Variants in FMO5 observed in about 807,000 individuals in gnomAD.
The protein encoded by FMO5 is flavin containing dimethylaniline monoxygenase 5, also known as flavin-containing monooxygenase 5.
Under a neutral mutation model 43.6 loss-of-function variants are expected in FMO5, and 51 were observed. The ratio of observed to expected loss-of-function variants is 1.17; its 90% confidence interval spans 0.93 to 1.48. FMO5 has a LOEUF of 1.48. Ranked by LOEUF, FMO5 falls within the 40% of genes most tolerant of loss-of-function variation. The pLI, the probability that FMO5 is intolerant of heterozygous loss-of-function variation, is 0.00. For synonymous variants in FMO5, 187 were observed against 216.5 expected (o/e 0.86, Z 1.20); for missense variants, 644 against 643.0 (o/e 1.00, Z -0.02).
chr1:147,205,635 T>G (rs1659856472), intron 6 of FMO5, among the ~76,000 whole-genome samples: 1 of 152,148 alleles, frequency 6.6e-6, no homozygotes, highest in African/African-American at 2.4e-5. Flanking sequence ...ATTTGATCTT[T>G]GACAAACCTG....
At chr1:147,191,087 T>G (rs587629951) in intron 7 of FMO5, among the ~76,000 whole-genome samples, 1 of 152,330 alleles carries the variant, frequency 6.6e-6, no homozygotes, top group African/African-American at 2.4e-5. Context: ...CTATCGTTGT[T>G]GGACATTTGG....
chr1:147,224,130 T>C, intron 2 of FMO5: 1 of 323,468 alleles, frequency 3.1e-6, no homozygotes. Context: ...TTGGGATGTC[T>C]AGTCCACAGG....
intron 2 of FMO5, among the ~76,000 whole-genome samples, chr1:147,218,364 T>G (rs1226643036): frequency 1.3e-5 from 2 of 151,918 alleles, no homozygotes; most frequent in African/African-American, 4.8e-5. Context: ...GCCTCCCGAG[T>G]AGCTGGGCCT....
intron 6 of FMO5, among the ~76,000 whole-genome samples, chr1:147,207,631 A>G (rs1322382562): frequency 6.6e-6 from 1 of 152,164 alleles, no homozygotes; most frequent in Non-Finnish European, 1.5e-5. Flanking sequence ...CTCAGTTTTT[A>G]TATTTGTAAA....
chr1:147,218,322 G>A (rs1662370305), intron 2 of FMO5, among the ~76,000 whole-genome samples: 12 of 151,442 alleles, frequency 7.9e-5, no homozygotes, highest in Admixed American at 5.9e-4. Context: ...TGCAACCTCT[G>A]CCTCCTGGGT....
At chr1:147,204,929 C>T (rs988598354) in intron 6 of FMO5, 1 of 1,554,216 alleles carries the variant, frequency 6.4e-7, no homozygotes, top group Non-Finnish European at 8.9e-7. Context: ...ACTTGAAGCG[C>T]CATGGCCAGC....
intron 5 of FMO5, among the ~76,000 whole-genome samples, chr1:147,211,740 T>C (rs1401257336): frequency 1.3e-5 from 2 of 152,180 alleles, no homozygotes; most frequent in Non-Finnish European, 2.9e-5. Context: ...AAGTCTGCTA[T>C]ACAAAAACCA....
chr1:147,213,284 C>T, intron 4 of FMO5, 24 bp downstream of exon 4: 1 of 1,587,180 alleles, frequency 6.3e-7, no homozygotes, highest in Admixed American at 1.7e-5. Context: ...GGTCAAGGGT[C>T]TTCCTTCCTG....
chr1:147,190,554 A>C (rs17355789), intron 7 of FMO5, among the ~76,000 whole-genome samples: 5,606 of 152,242 alleles, frequency 0.037, 152 homozygotes, highest in South Asian at 0.094. Flanking sequence ...GAGAAAATGG[A>C]CTTAAAGGTA....
intron 8 of FMO5, among the ~76,000 whole-genome samples, chr1:147,188,246 G>A (rs1655982208): frequency 6.6e-6 from 1 of 152,006 alleles, no homozygotes; most frequent in South Asian, 2.1e-4. Context: ...CATGAGGTTG[G>A]GCGTGGTGTT....
At chr1:147,213,270 C>A in intron 4 of FMO5, 38 bp downstream of exon 4, 1 of 1,541,780 alleles carries the variant, frequency 6.5e-7, no homozygotes, top group Non-Finnish European at 8.8e-7. Flanking sequence ...AGGTCACAGG[C>A]ATGGGTCAAG....
downstream of FMO5, chr1:147,184,518 C>A: frequency 6.5e-7 from 1 of 1,546,918 alleles, no homozygotes; most frequent in Non-Finnish European, 8.7e-7. This position sits in a 1 kb window ranked among gnomAD's most constrained non-coding sequence, Gnocchi z 4.4. Context: ...CCCTTTATTC[C>A]GGGACAATTT....
At position 147,201,144 on chromosome 1, in the gene FMO5, T is replaced by TC. The variant is rs781916219; in HGVS notation, c.1183+7dup. The TC allele has an allele frequency of 4.4e-5, 70 of 1,591,506 alleles. 2 individuals carry two copies. The South Asian group carries it at 4.5e-4, about 10-fold the overall frequency. ...GTAATTAAGTAGTCTATTTGCATGG[T>TC]CACTTACCTTTAAATACCTGAGTGG... is the stretch of plus-strand genomic sequence containing the variant. On this transcript the variant is annotated splice_region_variant and intron_variant, in intron 7 of 8. Coordinates refer to ENST00000254090, the MANE Select transcript of FMO5 (RefSeq NM_001461.4).
chr1:147,225,232 C>T (rs909962538), intron 1 of FMO5, 55 bp downstream of exon 1: 1 of 1,385,016 alleles, frequency 7.2e-7, no homozygotes, highest in Non-Finnish European at 9.4e-7. Flanking sequence ...ATGGGGGAGC[C>T]CTGCGCCTGC....
rs72549315 is a variant in FMO5, at chr1:147,208,902, C to CT, written c.779dup (p.Ile261AspfsTer6). On this transcript the variant is annotated frameshift_variant, in exon 6 of 9. Transcript: ENST00000254090. LOFTEE classifies it high-confidence loss of function. Reference sequence around the variant, plus strand: ...TTTCATGGTCAAACCTTTGGTTTATCTTTTTTTCCAAATATTTGTTTGCTA... The same window carrying CT: ...TTTCATGGTCAAACCTTTGGTTTATCTTTTTTTTCCAAATATTTGTTTGCTA... 5 of 1,614,110 alleles carry CT rather than the reference C, an allele frequency of 3.1e-6. No homozygotes were observed. In the Admixed American group the frequency reaches 5.0e-5, roughly 16 times the overall value.
intron 2 of FMO5, among the ~76,000 whole-genome samples, chr1:147,221,896 T>C (rs1376955825): frequency 1.3e-5 from 2 of 152,226 alleles, no homozygotes; most frequent in Non-Finnish European, 2.9e-5. Context: ...AATCCACTGC[T>C]TTCCAAAAGA....
chr1:147,186,533 G>T lies in FMO5; in HGVS notation c.*367C>A. The T allele has an allele frequency of 2.0e-6, 2 of 1,000,650 alleles. No homozygotes were observed. Among genetic ancestry groups the T allele is most frequent in the Non-Finnish European group, 2.4e-6 (2 of 840,486 alleles). 62.0% of individuals were successfully genotyped at this position (1,000,650 alleles called of 1,614,324 possible). ...AGAAGAAGAGTTACGTGGAGTAAGC[G>T]ATTTTATACCGATGCTGACTTACTC... On this transcript the variant is annotated 3_prime_UTR_variant, in exon 9 of 9. Transcript: ENST00000254090.
rs981150475 is a variant in FMO5, at chr1:147,204,899, C to T, written c.831-3395G>A. On this transcript the variant is annotated intron_variant, in intron 6 of 8. Transcript: ENST00000254090. ...TTCGCTCCCTCCTTGAGCATCTGGG[C>T]GAAGCCCGGAGCCTTGGGAACTTGA... 51 of 1,582,814 alleles carry T rather than the reference C, an allele frequency of 3.2e-5. No homozygotes were observed. In the African/African-American group the frequency reaches 3.5e-4, roughly 11 times the overall value.
chr1:147,185,910 A>C (rs1437687518), downstream of FMO5, among the ~76,000 whole-genome samples: 1 of 152,212 alleles, frequency 6.6e-6, no homozygotes, highest in Non-Finnish European at 1.5e-5. Context: ...ACTTTACGAC[A>C]TGAGAAAAAC....
Sources: allele counts gnomAD v4.1 joint callset (sites outside exome capture counted in the v4.1 genomes callset), GRCh38; gene constraint gnomAD v4.1.1; non-coding constraint Gnocchi (gnomAD v3.1); transcripts MANE v1.5; gene names NCBI Gene and HGNC (gene_info 2026-07-23, HGNC 2026-07-21).